The following PPP3CC variants were observed in gnomAD, a reference collection of about 807,000 sequenced individuals.
PPP3CC encodes serine/threonine-protein phosphatase 2B catalytic subunit gamma isoform.
PPP3CC carries 35 observed loss-of-function variants against 60.3 expected under a neutral mutation model. The observed-to-expected ratio is 0.58, with a 90% CI of 0.44 to 0.77. The LOEUF is 0.77. Ranked by LOEUF, PPP3CC falls within the 30% of genes least tolerant of loss-of-function variation. The pLI is 0.00. For synonymous variants in PPP3CC, 206 were observed against 224.3 expected, an observed-to-expected ratio of 0.92 and a Z score of 0.73; for missense variants, 570 against 628.9, an observed-to-expected ratio of 0.91 and a Z score of 1.00.
intron 1 of PPP3CC, among the ~76,000 whole-genome samples, chr8:22,442,878 A>G (rs1836714577): frequency 2.0e-5 from 3 of 152,208 alleles, no homozygotes; most frequent in Non-Finnish European, 4.4e-5. Context: ...GTCCTGTACT[A>G]AAATGACTTC....
chr8:22,464,254 A>G (rs1247237993), intron 1 of PPP3CC, among the ~76,000 whole-genome samples: 3 of 152,338 alleles, frequency 2.0e-5, no homozygotes, highest in East Asian at 1.9e-4. Flanking sequence ...AACAAAGCTA[A>G]TAATTTTTAT....
chr8:22,448,381 G>GT (rs34309415), intron 1 of PPP3CC, among the ~76,000 whole-genome samples: 23,952 of 135,010 alleles, frequency 0.18, 3,302 homozygotes, highest in African/African-American at 0.38. Flanking sequence ...CCTTTTTTTT[G>GT]TTTTTTTTTT....
At chr8:22,442,336 C>A (rs1486249665) in intron 1 of PPP3CC, among the ~76,000 whole-genome samples, 2 of 152,190 alleles carry the variant, frequency 1.3e-5, no homozygotes, top group Non-Finnish European at 2.9e-5. Flanking sequence ...TTAGTGGCCT[C>A]TGGATGCAGG....
rs1836660317 is a variant in PPP3CC at position 22,441,334 on chromosome 8, C to A, written c.-76C>A. The A allele has an allele frequency of 6.9e-7, 1 of 1,455,670 alleles. No individual in the cohort carries two copies. Among genetic ancestry groups the A allele is most frequent in the Non-Finnish European group, 9.2e-7 (1 of 1,092,370 alleles). The allele number at this position is 1,455,670 out of a possible 1,614,324, so 90.2% of individuals were successfully genotyped here. A position where few individuals can be genotyped will look rare whatever the true frequency, so the allele number is the denominator to read the frequency against. ...GACGGCTCCGGGCAGCTAAGGCTGCCCGAGGAGAAGGCGGCGGCCGCGGCG... is the reference window on the plus strand; with the variant it reads ...GACGGCTCCGGGCAGCTAAGGCTGCACGAGGAGAAGGCGGCGGCCGCGGCG... On this transcript the variant is annotated 5_prime_UTR_variant, in exon 1 of 14. Transcript: ENST00000240139.
At chr8:22,503,067 G>A (rs183357327) in intron 4 of PPP3CC, among the ~76,000 whole-genome samples, 2 of 152,030 alleles carry the variant, frequency 1.3e-5, no homozygotes, top group African/African-American at 2.4e-5. Context: ...CCACCACTAT[G>A]TACTACTTTT....
At chr8:22,463,030 C>T (rs1220381927) in intron 1 of PPP3CC, among the ~76,000 whole-genome samples, 2 of 152,140 alleles carry the variant, frequency 1.3e-5, no homozygotes, top group South Asian at 4.1e-4. Context: ...ACCTTTGCAA[C>T]TGTCCCATAT....
chr8:22,457,702 A>G (rs1327403873), intron 1 of PPP3CC, among the ~76,000 whole-genome samples: 2 of 152,200 alleles, frequency 1.3e-5, no homozygotes, highest in Admixed American at 6.5e-5. Flanking sequence ...GAACCATACA[A>G]TGTACTGCTT....
chr8:22,479,998 T>C (rs1375462282), intron 3 of PPP3CC, among the ~76,000 whole-genome samples: 1 of 152,166 alleles, frequency 6.6e-6, no homozygotes, highest in Non-Finnish European at 1.5e-5. Flanking sequence ...CGTCAGTTTC[T>C]TTATTAGAGT....
At position 22,511,332 on chromosome 8, in the gene PPP3CC, C is replaced by T. The variant is rs112642403; in HGVS notation, c.630+101C>T. 5,140 of 1,291,468 alleles carry T rather than the reference C, an allele frequency of 4.0e-3. 189 individuals carry two copies. The African/African-American group carries it at 0.064, about 16-fold the overall frequency. 80.0% of individuals were successfully genotyped at this position (1,291,468 alleles called of 1,614,324 possible). On this transcript the variant is annotated intron_variant, in intron 5 of 13. Transcript: ENST00000240139. ...TGAGACAGAGTCTCTCTCTTTCACC[C>T]GGGCTGAAGTACAGTGGTGCTATCT... is the stretch of plus-strand genomic sequence containing the variant.
intron 3 of PPP3CC, among the ~76,000 whole-genome samples, chr8:22,484,598 C>T (rs1299790535): frequency 2.0e-5 from 3 of 152,090 alleles, no homozygotes; most frequent in East Asian, 1.9e-4. Flanking sequence ...AAACTGGATT[C>T]GACACAGAAT....
At chr8:22,528,214 C>A (rs1053135191) in intron 9 of PPP3CC, among the ~76,000 whole-genome samples, 4 of 152,136 alleles carry the variant, frequency 2.6e-5, no homozygotes, top group African/African-American at 7.2e-5. Context: ...AATTTTCTCA[C>A]GTGTGTATCA....
chr8:22,531,284 T>A, intron 10 of PPP3CC: 1 of 1,528,672 alleles, frequency 6.5e-7, no homozygotes, highest in Non-Finnish European at 8.8e-7. Flanking sequence ...TGTTTCTTGG[T>A]GTTTCTTCTC....
rs1327125588 is a variant in PPP3CC at position 22,499,085 on chromosome 8, C to T, written c.484+973C>T. On this transcript the variant is annotated intron_variant, in intron 4 of 13. Coordinates refer to ENST00000240139, the MANE Select transcript of PPP3CC (RefSeq NM_005605.5). ...GTTGTGGTGAGATCCTGCCACTGTACTCCAGCCTGGGCAACAGAGCGAGAC... is the reference window on the plus strand; with the variant it reads ...GTTGTGGTGAGATCCTGCCACTGTATTCCAGCCTGGGCAACAGAGCGAGAC... 3.3e-5 allele frequency among the ~76,000 whole-genome samples: 5 copies of T among 150,612 alleles called. No individual in the cohort carries two copies. In the East Asian group the frequency reaches 7.8e-4, roughly 24 times the overall value.
chr8:22,489,047 T>G (rs935971210), intron 3 of PPP3CC, among the ~76,000 whole-genome samples: 4 of 152,114 alleles, frequency 2.6e-5, no homozygotes, highest in Admixed American at 2.6e-4. Context: ...AATTTTTTTT[T>G]TTTGAGCAGG....
intron 1 of PPP3CC, among the ~76,000 whole-genome samples, chr8:22,445,677 T>C (rs923601196): frequency 6.6e-6 from 1 of 152,224 alleles, no homozygotes; most frequent in Non-Finnish European, 1.5e-5. Context: ...ATTTTGGTTC[T>C]TTATATTTTC....
chr8:22,481,369 TAA>T (rs1491108491), intron 3 of PPP3CC, among the ~76,000 whole-genome samples: 2 of 146,882 alleles, frequency 1.4e-5, no homozygotes, highest in African/African-American at 5.1e-5. Flanking sequence ...ATAATAATAA[TAA>T]TAATAATAAT....
chr8:22,451,012 T>TC (rs1206138362), intron 1 of PPP3CC, among the ~76,000 whole-genome samples: 2 of 150,146 alleles, frequency 1.3e-5, no homozygotes, highest in African/African-American at 4.9e-5. Flanking sequence ...TTTTTCTTTT[T>TC]TTTTTTTTAA....
intron 5 of PPP3CC, among the ~76,000 whole-genome samples, chr8:22,511,960 G>T (rs921280310): frequency 7.0e-6 from 1 of 142,380 alleles, no homozygotes; most frequent in African/African-American, 2.6e-5. Flanking sequence ...AAATGCATTG[G>T]CTTTGACATT....
chr8:22,526,583 C>T (rs188733669), intron 8 of PPP3CC, among the ~76,000 whole-genome samples: 6 of 152,202 alleles, frequency 3.9e-5, no homozygotes, highest in Non-Finnish European at 7.4e-5. Flanking sequence ...GGAATGAGGA[C>T]GTGACCTATA....
Sources: allele counts gnomAD v4.1 joint callset (sites outside exome capture counted in the v4.1 genomes callset), GRCh38; gene constraint gnomAD v4.1.1; transcripts MANE v1.5; gene names NCBI Gene and HGNC (gene_info 2026-07-23, HGNC 2026-07-21).